DLG2: variants seen among roughly 807,000 people sequenced by gnomAD.
DLG2 encodes the protein discs large MAGUK scaffold protein 2.
Under a neutral mutation model 132.5 loss-of-function variants are expected in DLG2, and 45 were observed. That is an observed-to-expected ratio of 0.34 (90% CI 0.27 to 0.44). The LOEUF is 0.44. DLG2 is among the 20% of genes least tolerant of loss of function. The pLI, the probability that DLG2 is intolerant of heterozygous loss-of-function variation, is 1.00. For missense variants in DLG2, 1,045 were observed against 1,196.9 expected (o/e 0.87, Z 1.87); for synonymous variants, 424 against 419.6 (o/e 1.01, Z -0.13).
intron 3 of DLG2, 61 bp downstream of exon 3, chr11:85,598,596 A>T: frequency 7.8e-7 from 1 of 1,282,848 alleles, no homozygotes; most frequent in East Asian, 2.8e-5. Flanking sequence ...TGACCACATT[A>T]TTCAAACTAT....
intron 6 of DLG2, among the ~76,000 whole-genome samples, chr11:84,679,246 A>G (rs1040754183): frequency 3.3e-5 from 5 of 152,130 alleles, no homozygotes; most frequent in Non-Finnish European, 5.9e-5. Flanking sequence ...TATCTGCAGA[A>G]TATAATGATT....
chr11:83,576,449 A>T (rs963015840), intron 19 of DLG2, among the ~76,000 whole-genome samples: 1 of 152,222 alleles, frequency 6.6e-6, no homozygotes, highest in Non-Finnish European at 1.5e-5. Context: ...CACAAGAAAC[A>T]TAAAGAGAAA....
chr11:84,642,109 A>G (rs577342601), intron 6 of DLG2, among the ~76,000 whole-genome samples: 5 of 121,610 alleles, frequency 4.1e-5, no homozygotes, highest in African/African-American at 1.0e-4. Context: ...GTGTGTGTGT[A>G]TATGTAGAGT....
At chr11:84,590,992 C>T (rs1479859177) in intron 6 of DLG2, among the ~76,000 whole-genome samples, 1 of 152,088 alleles carries the variant, frequency 6.6e-6, no homozygotes, top group Non-Finnish European at 1.5e-5. Flanking sequence ...GCTATACTTC[C>T]TTATTTCTCT....
intron 15 of DLG2, among the ~76,000 whole-genome samples, chr11:83,907,568 G>C (rs1434562178): frequency 1.3e-5 from 2 of 152,114 alleles, no homozygotes; most frequent in Admixed American, 1.3e-4. Context: ...AGGATGGGAA[G>C]GATAATGACT....
At chr11:84,681,961 A>T (rs2099731373) in intron 6 of DLG2, among the ~76,000 whole-genome samples, 1 of 152,114 alleles carries the variant, frequency 6.6e-6, no homozygotes. Context: ...ATAGCAGAAG[A>T]TGAAGGGGAG....
chr11:84,245,107 T>C (rs974204375), intron 8 of DLG2, among the ~76,000 whole-genome samples: 1 of 152,228 alleles, frequency 6.6e-6, no homozygotes, highest in Non-Finnish European at 1.5e-5. Context: ...TTAAAACATC[T>C]CTTAGACACA....
At chr11:84,046,426 T>C (rs2096244854) in intron 11 of DLG2, among the ~76,000 whole-genome samples, 1 of 151,608 alleles carries the variant, frequency 6.6e-6, no homozygotes, top group South Asian at 2.1e-4. Flanking sequence ...CTATGAAGAA[T>C]AAAATTTTCA....
intron 11 of DLG2, among the ~76,000 whole-genome samples, chr11:83,997,132 AAAT>A (rs1368462287): frequency 6.6e-6 from 1 of 151,700 alleles, no homozygotes. Context: ...AAAAAAAAAA[AAAT>A]AAAAAATAAA....
At chr11:83,485,810 C>T (rs2137671548) in intron 21 of DLG2, among the ~76,000 whole-genome samples, 1 of 152,142 alleles carries the variant, frequency 6.6e-6, no homozygotes, top group East Asian at 1.9e-4. Context: ...TAACCATGTT[C>T]ATTTAGGAAA....
intron 9 of DLG2, among the ~76,000 whole-genome samples, chr11:84,113,283 T>A (rs1057066230): frequency 6.6e-6 from 1 of 152,166 alleles, no homozygotes; most frequent in African/African-American, 2.4e-5. Context: ...ATAAAACACT[T>A]CCATTGTATA....
At chr11:84,886,079 T>A (rs953100765) in intron 6 of DLG2, among the ~76,000 whole-genome samples, 6 of 151,922 alleles carry the variant, frequency 3.9e-5, no homozygotes, top group African/African-American at 1.5e-4. Flanking sequence ...AACACAAAAA[T>A]CCCTTAAAGG....
chr11:84,494,111 C>T (rs773447577), intron 7 of DLG2, among the ~76,000 whole-genome samples: 15 of 152,120 alleles, frequency 9.9e-5, no homozygotes, highest in Non-Finnish European at 1.9e-4. Context: ...TGTTTCAATA[C>T]CCATCATTAA....
intron 7 of DLG2, among the ~76,000 whole-genome samples, chr11:84,279,985 C>A (rs2097835853): frequency 6.6e-6 from 1 of 152,312 alleles, no homozygotes; most frequent in East Asian, 1.9e-4. Flanking sequence ...ATAAGTACGT[C>A]CCTTCTCACC....
At chr11:85,500,873 C>T (rs2093784999) in intron 3 of DLG2, among the ~76,000 whole-genome samples, 3 of 152,178 alleles carry the variant, frequency 2.0e-5, no homozygotes, top group Admixed American at 2.0e-4. Context: ...CATGCTATCC[C>T]CATCAAGTTA....
intron 6 of DLG2, among the ~76,000 whole-genome samples, chr11:84,725,409 C>G (rs1449326204): frequency 6.6e-6 from 1 of 152,084 alleles, no homozygotes; most frequent in African/African-American, 2.4e-5. Context: ...CCTCTCCTCT[C>G]CTACTGTAAA....
chr11:83,607,432 G>C (rs557495027), intron 19 of DLG2, among the ~76,000 whole-genome samples: 3 of 152,302 alleles, frequency 2.0e-5, no homozygotes, highest in Non-Finnish European at 4.4e-5. Flanking sequence ...GGGTCTGTTA[G>C]TTGTCTCCCA....
intron 6 of DLG2, among the ~76,000 whole-genome samples, chr11:84,548,747 A>G (rs559510031): frequency 4.8e-4 from 73 of 152,106 alleles, no homozygotes; most frequent in African/African-American, 1.8e-3. Flanking sequence ...ACATACGGAG[A>G]CCACACTAAG....
chr11:84,065,921 C>T (rs1474016019), intron 10 of DLG2, among the ~76,000 whole-genome samples: 11 of 152,104 alleles, frequency 7.2e-5, no homozygotes, highest in African/African-American at 2.4e-4. Flanking sequence ...TACAGCAACA[C>T]AGATGGAGCT....
Sources: gnomAD v4.1 joint callset for allele counts (sites outside exome capture counted in the v4.1 genomes callset) on GRCh38, gnomAD v4.1.1 for gene constraint, MANE v1.5 for transcripts, NCBI Gene and HGNC (gene_info 2026-07-23, HGNC 2026-07-21) for gene names.